DLG2: variants seen among roughly 807,000 people sequenced by gnomAD.
DLG2 encodes the protein disks large homolog 2.
In DLG2, 45 loss-of-function variants were observed where a neutral mutation model predicts 132.5. That is an observed-to-expected ratio of 0.34 (90% confidence interval 0.27 to 0.44). DLG2 has a LOEUF of 0.44. DLG2 is among the 20% of genes least tolerant of loss of function. The pLI, the probability that DLG2 is intolerant of heterozygous loss-of-function variation, is 1.00. For synonymous variants in DLG2, 424 were observed against 419.6 expected (o/e 1.01, Z -0.13); for missense variants, 1,045 against 1,196.9 (o/e 0.87, Z 1.87).
chr11:84,627,936 T>A (rs1183042635), intron 6 of DLG2, among the ~76,000 whole-genome samples: 2 of 151,838 alleles, frequency 1.3e-5, no homozygotes, highest in East Asian at 3.9e-4. Context: ...CCCAACCACC[T>A]CCCACAGGCC....
At chr11:85,408,311 C>T (rs1309014685) in intron 3 of DLG2, among the ~76,000 whole-genome samples, 1 of 150,236 alleles carries the variant, frequency 6.7e-6, no homozygotes, top group African/African-American at 2.4e-5. Flanking sequence ...AGAAATTATC[C>T]CTGACATATA....
chr11:85,584,685 T>C (rs1343168745), intron 3 of DLG2, among the ~76,000 whole-genome samples: 1 of 152,218 alleles, frequency 6.6e-6, no homozygotes, highest in African/African-American at 2.4e-5. Context: ...TTTTTAAATA[T>C]GGCCATTCTT....
chr11:84,960,683 C>A (rs1009280013), intron 6 of DLG2, among the ~76,000 whole-genome samples: 11 of 152,072 alleles, frequency 7.2e-5, no homozygotes, highest in African/African-American at 2.7e-4. Flanking sequence ...AGGCAATCCA[C>A]CCGCCTTGGC....
At chr11:85,293,796 A>G (rs1034855497) in intron 3 of DLG2, among the ~76,000 whole-genome samples, 1 of 152,186 alleles carries the variant, frequency 6.6e-6, no homozygotes, top group African/African-American at 2.4e-5. Context: ...ATAATATTGT[A>G]GCAATGTTAA....
At chr11:85,264,552 G>C (rs950211803) in intron 4 of DLG2, among the ~76,000 whole-genome samples, 27 of 152,210 alleles carry the variant, frequency 1.8e-4, no homozygotes, top group African/African-American at 5.8e-4. Flanking sequence ...TTAATACTCA[G>C]TTTTGCTGTA....
intron 3 of DLG2, among the ~76,000 whole-genome samples, chr11:85,572,313 A>G (rs1443250389): frequency 6.6e-6 from 1 of 152,164 alleles, no homozygotes; most frequent in African/African-American, 2.4e-5. Context: ...ACTATTGAAC[A>G]CTGTTGTTGC....
intron 10 of DLG2, among the ~76,000 whole-genome samples, chr11:84,075,330 C>T (rs2096814493): frequency 6.6e-6 from 1 of 152,072 alleles, no homozygotes; most frequent in African/African-American, 2.4e-5. Context: ...ATCTTCTGCC[C>T]ACCTTTCTTA....
intron 4 of DLG2, among the ~76,000 whole-genome samples, chr11:85,255,404 T>C (rs1337844029): frequency 6.6e-6 from 1 of 152,226 alleles, no homozygotes; most frequent in Non-Finnish European, 1.5e-5. Context: ...GATAATTATG[T>C]ATATAAACTG....
chr11:84,418,069 G>A (rs918741344), intron 7 of DLG2, among the ~76,000 whole-genome samples: 1 of 152,136 alleles, frequency 6.6e-6, no homozygotes, highest in African/African-American at 2.4e-5. Context: ...GATAATATGA[G>A]TTTGCTCTTT....
chr11:85,427,731 T>G (rs2090870347), intron 3 of DLG2, among the ~76,000 whole-genome samples: 1 of 151,612 alleles, frequency 6.6e-6, no homozygotes, highest in African/African-American at 2.4e-5. Flanking sequence ...ATGAGCAAAA[T>G]AACCAGCTGA....
At chr11:85,484,019 G>A (rs1278363134) in intron 3 of DLG2, among the ~76,000 whole-genome samples, 1 of 152,154 alleles carries the variant, frequency 6.6e-6, no homozygotes, top group Non-Finnish European at 1.5e-5. Context: ...CAAAGCGGGT[G>A]GTAAACTCCA....
chr11:83,629,446 C>T (rs2063196981), intron 19 of DLG2, among the ~76,000 whole-genome samples: 1 of 152,130 alleles, frequency 6.6e-6, no homozygotes, highest in South Asian at 2.1e-4. Context: ...CCTTTTTCTC[C>T]TTCCCCTTGG....
intron 26 of DLG2, among the ~76,000 whole-genome samples, chr11:83,462,559 T>C (rs893865729): frequency 2.0e-5 from 3 of 152,184 alleles, no homozygotes; most frequent in Admixed American, 6.5e-5. Context: ...TCTCAGACTT[T>C]CTGAAATGTG....
chr11:84,571,666 G>A (rs941757121), intron 6 of DLG2, among the ~76,000 whole-genome samples: 1 of 151,990 alleles, frequency 6.6e-6, no homozygotes, highest in African/African-American at 2.4e-5. Context: ...TTTCAAGAGT[G>A]GTGACATGTA....
At chr11:85,604,297 G>A (rs894150117) in intron 2 of DLG2, among the ~76,000 whole-genome samples, 8 of 152,182 alleles carry the variant, frequency 5.3e-5, no homozygotes, top group Non-Finnish European at 7.4e-5. Context: ...TTTGATTATT[G>A]AGAATGATCA....
At chr11:83,839,504 C>G (rs2057064084) in intron 16 of DLG2, among the ~76,000 whole-genome samples, 1 of 152,138 alleles carries the variant, frequency 6.6e-6, no homozygotes, top group Admixed American at 6.5e-5. Flanking sequence ...TCCTATTTTA[C>G]CGATGCTTAG....
At chr11:83,491,788 A>G (rs950526362) in intron 21 of DLG2, among the ~76,000 whole-genome samples, 2 of 151,870 alleles carry the variant, frequency 1.3e-5, no homozygotes, top group Non-Finnish European at 2.9e-5. Context: ...CTTCTCTCTC[A>G]TCTTGCACCC....
intron 6 of DLG2, among the ~76,000 whole-genome samples, chr11:84,936,033 G>A (rs2048704850): frequency 6.6e-6 from 1 of 152,124 alleles, no homozygotes; most frequent in African/African-American, 2.4e-5. Flanking sequence ...GCTCTGTGAG[G>A]TTAGGAAATA....
At chr11:84,106,236 T>G (rs2154187193) in intron 9 of DLG2, among the ~76,000 whole-genome samples, 1 of 152,270 alleles carries the variant, frequency 6.6e-6, no homozygotes, top group Admixed American at 6.5e-5. Context: ...TCATTTTACT[T>G]TGAAAAGTAA....
Sources: allele counts gnomAD v4.1 joint callset (sites outside exome capture counted in the v4.1 genomes callset), GRCh38; gene constraint gnomAD v4.1.1; transcripts MANE v1.5; gene names NCBI Gene and HGNC (gene_info 2026-07-23, HGNC 2026-07-21).